The following C1QL3 variants were observed in gnomAD, a reference collection of about 807,000 sequenced individuals.
The protein encoded by C1QL3 is complement C1q like 3, also known as complement C1q-like protein 3.
In C1QL3, 4 loss-of-function variants were observed where a neutral mutation model predicts 16.6. The observed-to-expected ratio is 0.24, with a 90% CI of 0.12 to 0.55. C1QL3 has a LOEUF of 0.55. C1QL3 is among the 20% of genes least tolerant of loss of function. C1QL3 has a pLI of 0.94. For missense variants in C1QL3, 269 were observed against 365.6 expected, an observed-to-expected ratio of 0.74 and a Z score of 2.16; for synonymous variants, 189 against 160.2, an observed-to-expected ratio of 1.18 and a Z score of -1.36.
rs1588643024 is a variant in C1QL3, at chr10:16,521,806, A to G, written c.-741T>C. The G allele has an allele frequency of 1.3e-5, 2 of 152,772 alleles. No individual in the cohort carries two copies. Among genetic ancestry groups the G allele is most frequent in the East Asian group, 3.9e-4 (2 of 5,126 alleles). The allele number at this position is 152,772 out of a possible 1,614,324, so 9.5% of individuals were successfully genotyped here. ...GCGAGCGAGCAGCGGCGAGCGCCTC[A>G]CGGCCGGGAGCGGAGCGAGAGAGAG... On this transcript the variant is annotated 5_prime_UTR_variant, in exon 1 of 2. Coordinates refer to ENST00000298943, the MANE Select transcript of C1QL3 (RefSeq NM_001010908.2).
At position 16,520,800 on chromosome 10, in the gene C1QL3, G is replaced by A. The variant is rs1588642482; in HGVS notation, c.266C>T (p.Pro89Leu). ...GCCCGGCTCGCCCTTCTCGCCCGGG[G>A]GCCCCATGGGGCCGGGTGGCCCGGG... The part of the protein sequence containing the change: ...GEPGPPGPMG[P>L]PGEKGEPGRQ... Residue 89 changes from proline (P) to leucine (L), a missense_variant, in exon 1 of 2, where the codon CCC becomes CTC. Around this residue, in one of 2 missense-constraint regions of C1QL3, gnomAD observed 246 missense variants for 297.2 expected, o/e 0.83. Transcript: ENST00000298943. This position sits in a 1 kb window ranked among gnomAD's most constrained non-coding sequence, Gnocchi z 8.3. 1.5e-6 allele frequency: 2 copies of A among 1,304,346 alleles called. No homozygotes were observed. The highest frequency in any genetic ancestry group is 6.3e-5 in the East Asian group (2 of 31,734). The allele number at this position is 1,304,346 out of a possible 1,614,324, so 80.8% of individuals were successfully genotyped here.
chr10:16,519,690 G>A (rs1468140025), intron 1 of C1QL3, among the ~76,000 whole-genome samples: 3 of 152,042 alleles, frequency 2.0e-5, no homozygotes, highest in Non-Finnish European at 4.4e-5. Context: ...CCCGGGGCTG[G>A]GCTCGAACCG....
chr10:16,519,089 G>A (rs1289921968), intron 1 of C1QL3, among the ~76,000 whole-genome samples: 1 of 116,396 alleles, frequency 8.6e-6, no homozygotes, highest in African/African-American at 3.3e-5. Context: ...TTGTAGGATA[G>A]GGTAGAGAAT....
At chr10:16,515,780 ATCT>A (rs769960517) in intron 1 of C1QL3, among the ~76,000 whole-genome samples, 3 of 152,190 alleles carry the variant, frequency 2.0e-5, no homozygotes, top group East Asian at 3.8e-4. Context: ...TCAGTAAAAC[ATCT>A]TCTACTTTGT....
rs994848290 is a variant in C1QL3 at position 16,514,296 on chromosome 10, A to G, written c.*232T>C. Reference sequence around the variant, plus strand: ...CTTCATTCACATGGACACTAACGATAAGGAGTATTTGCTTTGGCGGTAGTG... The same window carrying G: ...CTTCATTCACATGGACACTAACGATGAGGAGTATTTGCTTTGGCGGTAGTG... On this transcript the variant is annotated 3_prime_UTR_variant, in exon 2 of 2. Transcript: ENST00000298943. 2 of 563,760 alleles carry G rather than the reference A, an allele frequency of 3.5e-6. No homozygotes were observed. Among genetic ancestry groups the G allele is most frequent in the Non-Finnish European group, 6.3e-6 (2 of 319,992 alleles). The allele number at this position is 563,760 out of a possible 1,614,324, so 34.9% of individuals were successfully genotyped here.
rs1837017826 is a variant in C1QL3 at position 16,520,207 on chromosome 10, C to T, written c.588+271G>A. ...CCCCGGGACCCAGCTCCCGGCTTCC[C>T]GCCCCTCGAGGGTCGCGCTCGCAGG... is the stretch of plus-strand genomic sequence containing the variant. On this transcript the variant is annotated intron_variant, in intron 1 of 1. Transcript: ENST00000298943. The surrounding 1 kb of genome is among the most constrained non-coding windows in gnomAD (Gnocchi z 8.3). Among the ~76,000 whole-genome samples, 2 of 152,150 alleles carry T rather than the reference C, an allele frequency of 1.3e-5. No individual in the cohort carries two copies. The highest frequency in any genetic ancestry group is 4.1e-4 in the South Asian group (2 of 4,832).
chr10:16,514,509 AAGC>A lies in C1QL3; in HGVS notation c.*16_*18del. On this transcript the variant is annotated 3_prime_UTR_variant, in exon 2 of 2. Coordinates refer to ENST00000298943, the MANE Select transcript of C1QL3 (RefSeq NM_001010908.2). ...ATCCAGTGTTCAAACTCAGAATAAT[AAGC>A]TTAGTTTCTGCATTATCAGTCAGCA... 6.2e-7 allele frequency: 1 copy of A among 1,605,578 alleles called. No homozygotes were observed. Among genetic ancestry groups the A allele is most frequent in the Non-Finnish European group, 8.5e-7 (1 of 1,174,072 alleles).
rs1475563802 is a variant in C1QL3 at position 16,513,990 on chromosome 10, T to C, written c.*538A>G. 1 of 244,642 alleles carries C rather than the reference T, an allele frequency of 4.1e-6. No individual in the cohort carries two copies. Among genetic ancestry groups the C allele is most frequent in the Non-Finnish European group, 7.8e-6 (1 of 128,806 alleles). 15.2% of individuals were successfully genotyped at this position (244,642 alleles called of 1,614,324 possible). A position where few individuals can be genotyped will look rare whatever the true frequency, so the allele number is the denominator to read the frequency against. On this transcript the variant is annotated 3_prime_UTR_variant, in exon 2 of 2. Coordinates refer to ENST00000298943, the MANE Select transcript of C1QL3 (RefSeq NM_001010908.2). ...CAGGTTAAGGCTTGAAGTTGAATCA[T>C]TCCCAGGTCTAGCTCTAAGGTTAAC...
At position 16,520,541 on chromosome 10, in the gene C1QL3, G is replaced by A. The variant is rs1317331418; in HGVS notation, c.525C>T (p.Tyr175=). 3.7e-6 allele frequency: 6 copies of A among 1,612,580 alleles called. No individual in the cohort carries two copies. Among genetic ancestry groups the A allele is most frequent in the Non-Finnish European group, 4.2e-6 (5 of 1,179,406 alleles). Residue 175 remains tyrosine, a synonymous_variant, in exon 1 of 2, where the codon TAC becomes TAT. Transcript: ENST00000298943. The surrounding 1 kb of genome is among the most constrained non-coding windows in gnomAD (Gnocchi z 8.3). ...CGTCCCCTCCGCGCATCAGGACGTG[G>A]TAGGTGAAGAAGTAGATGCCCGGGA... is the stretch of plus-strand genomic sequence containing the variant. ...CSIPGIYFFT[Y]HVLMRGGDGT... is the part of the protein sequence containing the mutation.
At chr10:16,519,482 A>G (rs991069200) in intron 1 of C1QL3, among the ~76,000 whole-genome samples, 5 of 151,902 alleles carry the variant, frequency 3.3e-5, no homozygotes, top group Admixed American at 2.0e-4. Context: ...GTCCCATTAC[A>G]CTTTTAGGTA....
rs759396446 is a variant in C1QL3, at chr10:16,520,937, G to C, written c.129C>G (p.Thr43=). 7 of 1,569,118 alleles carry C rather than the reference G, an allele frequency of 4.5e-6. No individual in the cohort carries two copies. The highest frequency in any genetic ancestry group is 1.2e-5 in the South Asian group (1 of 86,830). ...DPYGGTKAPS[T]AATPDRGLMQ... ...TGAGGCCGCGGTCGGGCGTGGCAGCGGTGCTGGGCGCCTTGGTGCCCCCGT... is the reference window on the plus strand; with the variant it reads ...TGAGGCCGCGGTCGGGCGTGGCAGCCGTGCTGGGCGCCTTGGTGCCCCCGT... The change falls in exon 1 of 2, where the codon ACC becomes ACG. Residue 43 remains threonine (T), a synonymous_variant. Coordinates refer to ENST00000298943, the MANE Select transcript of C1QL3 (RefSeq NM_001010908.2). This position sits in a 1 kb window ranked among gnomAD's most constrained non-coding sequence, Gnocchi z 8.3.
In C1QL3 at chr10:16,514,648, A is replaced by G. The variant is rs1288396589; in HGVS notation, c.648T>C (p.Ser216=). 4 of 1,613,880 alleles carry G rather than the reference A, an allele frequency of 2.5e-6. No individual in the cohort carries two copies. Among genetic ancestry groups the G allele is most frequent in the Non-Finnish European group, 3.4e-6 (4 of 1,179,792 alleles). The change falls in exon 2 of 2, where the codon AGT becomes AGC. Residue 216 remains serine, a synonymous_variant. Transcript: ENST00000298943. ...CTCCCGGCTCCAAATGAAGAACCAC[A>G]CTGTTACTGGCATAGTCGTAATTCT... The part of the protein sequence containing the change: ...ADQNYDYASN[S]VVLHLEPGDE...
intron 1 of C1QL3, among the ~76,000 whole-genome samples, chr10:16,516,769 C>G (rs1588640799): frequency 6.6e-6 from 1 of 152,304 alleles, no homozygotes; most frequent in African/African-American, 2.4e-5. Context: ...TAGGCGTAAC[C>G]ACAAATTCCT....
Position 16,519,140 on chromosome 10 carries a change from C to CTTTTTTT in C1QL3, c.588+1331_588+1337dup, listed in dbSNP as rs567187339. Among the ~76,000 whole-genome samples the CTTTTTTT allele has an allele frequency of 1.1e-3, 45 of 39,448 alleles. 8 individuals carry two copies. The highest frequency in any genetic ancestry group is 5.3e-3 in the African/African-American group (34 of 6,462). 25.9% of individuals were successfully genotyped at this position (39,448 alleles called of 152,430 possible). A position where few individuals can be genotyped will look rare whatever the true frequency, so the allele number is the denominator to read the frequency against. On this transcript the variant is annotated intron_variant, in intron 1 of 1. Coordinates refer to ENST00000298943, the MANE Select transcript of C1QL3 (RefSeq NM_001010908.2). ...TTTTTTCTCTCTTACGCATTTAGGA[C>CTTTTTTT]TTTTTTTTTTTTTTTTTTGGTCTTT...
chr10:16,519,042 T>C (rs1434545710), intron 1 of C1QL3, among the ~76,000 whole-genome samples: 2 of 151,836 alleles, frequency 1.3e-5, no homozygotes, highest in Non-Finnish European at 2.9e-5. Context: ...ATTTTTCCTC[T>C]TTTTGTTATA....
At chr10:16,514,789 C>T in intron 1 of C1QL3, 82 bp from the exon 2 acceptor site, 1 of 999,128 alleles carries the variant, frequency 1.0e-6, no homozygotes, top group Non-Finnish European at 1.5e-6. Context: ...GCATCACAAG[C>T]TGACTTGCTG....
At chr10:16,515,043 A>C (rs1836928282) in intron 1 of C1QL3, among the ~76,000 whole-genome samples, 1 of 152,166 alleles carries the variant, frequency 6.6e-6, no homozygotes, top group Non-Finnish European at 1.5e-5. Flanking sequence ...TCACATTTTG[A>C]AATGAAACTA....
At chr10:16,519,144 T>TTGTTTTTTTTTTTTTTTTTC (rs1836998365) in intron 1 of C1QL3, among the ~76,000 whole-genome samples, 1 of 132,748 alleles carries the variant, frequency 7.5e-6, no homozygotes, top group Non-Finnish European at 1.6e-5. Context: ...TTAGGACTTT[T>TTGTTTTTTTTTTTTTTTTTC]TTTTTTTTTT....
At chr10:16,515,018 G>A (rs1019244992) in intron 1 of C1QL3, among the ~76,000 whole-genome samples, 10 of 151,892 alleles carry the variant, frequency 6.6e-5, no homozygotes, top group Non-Finnish European at 8.8e-5. Flanking sequence ...TAACTCCTTC[G>A]ATCCCTATGC....
Sources: allele counts gnomAD v4.1 joint callset (sites outside exome capture counted in the v4.1 genomes callset), GRCh38; gene constraint gnomAD v4.1.1; regional missense constraint gnomAD v4.1.1; non-coding constraint Gnocchi (gnomAD v3.1); transcripts MANE v1.5; gene names NCBI Gene and HGNC (gene_info 2026-07-23, HGNC 2026-07-21).